Variants in CCDC171 observed in about 807,000 individuals in gnomAD.
CCDC171 encodes coiled-coil domain-containing protein 171.
A neutral mutation model predicts 168.2 loss-of-function variants in CCDC171; 177 were observed. The ratio of observed to expected loss-of-function variants is 1.05; its 90% CI spans 0.93 to 1.19. CCDC171 has a LOEUF of 1.19. Ranked by LOEUF, CCDC171 falls within the 50% of genes most tolerant of loss-of-function variation. CCDC171 has a pLI of 0.00. For missense variants in CCDC171, 1,991 were observed against 1,539.0 expected (o/e 1.29, Z -4.91); for synonymous variants, 687 against 540.8 (o/e 1.27, Z -3.75).
At chr9:15,886,494 C>T (rs182344839) in intron 24 of CCDC171, 5 of 152,000 alleles carry the variant, frequency 3.3e-5, no homozygotes, top group African/African-American at 7.2e-5. Context: ...TAGAGAAAAG[C>T]GAACCTTTGT....
chr9:16,045,063 G>A (rs1378175606), intron 1 of CCDC171, among the ~76,000 whole-genome samples: 1 of 152,138 alleles, frequency 6.6e-6, no homozygotes, highest in Non-Finnish European at 1.5e-5. Context: ...TATGTAAAAA[G>A]CATATTTTTT....
chr9:15,953,155 ATCTGAGTGCCTTTTCTTTT>A (rs1014182433), intron 25 of CCDC171, among the ~76,000 whole-genome samples: 41 of 152,262 alleles, frequency 2.7e-4, no homozygotes, highest in African/African-American at 9.6e-4. Flanking sequence ...TTCTTTTCCA[ATCTGAGTGCCTTTTCTTTT>A]TCTTGCCTAA....
chr9:16,006,759 A>G (rs1393969378), intron 3 of CCDC171, among the ~76,000 whole-genome samples: 2 of 151,788 alleles, frequency 1.3e-5, no homozygotes, highest in Admixed American at 6.6e-5. Flanking sequence ...AAGGACAAGA[A>G]CTCATCATTT....
At chr9:15,799,586 C>T (rs887321643) in intron 21 of CCDC171, among the ~76,000 whole-genome samples, 1 of 151,802 alleles carries the variant, frequency 6.6e-6, no homozygotes, top group Admixed American at 6.6e-5. Flanking sequence ...ATGGGGTATC[C>T]CCTGCAACCG....
intron 3 of CCDC171, among the ~76,000 whole-genome samples, chr9:15,995,964 C>G (rs1343979087): frequency 6.6e-6 from 1 of 152,170 alleles, no homozygotes; most frequent in South Asian, 2.1e-4. Flanking sequence ...TTCTGTTTAT[C>G]ACTTTCAGCA....
intron 1 of CCDC171, among the ~76,000 whole-genome samples, chr9:16,048,508 A>G (rs1833696954): frequency 6.6e-6 from 1 of 152,128 alleles, no homozygotes; most frequent in African/African-American, 2.4e-5. Flanking sequence ...AACCCCCCTC[A>G]GTTTCTTTCA....
chr9:15,721,797 C>T lies in CCDC171; in HGVS notation c.1347C>T (p.Pro449=). Residue 449 remains proline, a synonymous_variant, in exon 12 of 26, where the codon CCC becomes CCT. Coordinates refer to ENST00000380701, the MANE Select transcript of CCDC171 (RefSeq NM_173550.4). ...SGIHKDKDKP[P]SFSVVLERLR... is the part of the protein sequence containing the mutation. ...TCCACAAGGACAAAGATAAACCTCC[C>T]AGCTTCTCTGTTGTCCTTGAGAGAT... is the stretch of plus-strand genomic sequence containing the variant. The T allele has an allele frequency of 6.4e-7, 1 of 1,560,768 alleles. No homozygotes were observed. The highest frequency in any genetic ancestry group is 1.2e-5 in the South Asian group (1 of 82,530).
At chr9:15,675,707 C>CTCT (rs1431499575) in intron 9 of CCDC171, among the ~76,000 whole-genome samples, 3 of 152,158 alleles carry the variant, frequency 2.0e-5, no homozygotes, top group African/African-American at 7.2e-5. Flanking sequence ...GGCCCTCACT[C>CTCT]TCTTCTGGCT....
intron 7 of CCDC171, among the ~76,000 whole-genome samples, chr9:15,637,372 A>C (rs975691462): frequency 1.3e-5 from 2 of 151,956 alleles, no homozygotes; most frequent in African/African-American, 4.8e-5. Flanking sequence ...TAAAATACTT[A>C]ATTTCCTCAA....
chr9:16,042,554 T>G (rs963238093), upstream of CCDC171, among the ~76,000 whole-genome samples: 4 of 152,116 alleles, frequency 2.6e-5, no homozygotes, highest in Non-Finnish European at 4.4e-5. Flanking sequence ...GAGGACAAAG[T>G]GTTAAGAGGA....
intron 6 of CCDC171, among the ~76,000 whole-genome samples, chr9:15,599,874 T>C (rs1480924662): frequency 6.6e-6 from 1 of 152,152 alleles, no homozygotes; most frequent in Non-Finnish European, 1.5e-5. Context: ...TCTAAACTTC[T>C]CTTCTCACTT....
intron 24 of CCDC171, among the ~76,000 whole-genome samples, chr9:15,909,535 T>G (rs1823300028): frequency 6.6e-6 from 1 of 152,156 alleles, no homozygotes. Flanking sequence ...GAAACAAGTA[T>G]TTGTGGGCAG....
chr9:15,908,661 G>A (rs899317966), intron 24 of CCDC171, among the ~76,000 whole-genome samples: 9 of 152,170 alleles, frequency 5.9e-5, no homozygotes, highest in Admixed American at 1.3e-4. Flanking sequence ...TAAAAAAAAA[G>A]AGAAATATCT....
intron 18 of CCDC171, among the ~76,000 whole-genome samples, chr9:15,757,294 G>C (rs2056181164): frequency 6.6e-6 from 1 of 152,166 alleles, no homozygotes; most frequent in South Asian, 2.1e-4. Flanking sequence ...CTCAGATGGA[G>C]ATGAGGAACT....
intron 25 of CCDC171, among the ~76,000 whole-genome samples, chr9:15,946,318 A>G (rs1054291858): frequency 6.6e-6 from 1 of 152,058 alleles, no homozygotes; most frequent in African/African-American, 2.4e-5. Flanking sequence ...CAACTTCAGC[A>G]AAGTCTCAGG....
the CCDC171 span, among the ~76,000 whole-genome samples, chr9:16,067,844 C>G: frequency 1.3e-5 from 2 of 152,102 alleles, no homozygotes; most frequent in African/African-American, 2.4e-5. Flanking sequence ...GTACCAGTGC[C>G]GTGCTGTTTT....
intron 16 of CCDC171, among the ~76,000 whole-genome samples, chr9:15,733,294 T>A (rs1244402946): frequency 6.6e-6 from 1 of 152,160 alleles, no homozygotes; most frequent in African/African-American, 2.4e-5. Context: ...GTTTCAAATT[T>A]TTATGACCCA....
Position 15,745,630 on chromosome 9 carries a change from A to C in CCDC171, c.2670A>C (p.Ala890=). The C allele has an allele frequency of 6.4e-7, 1 of 1,552,980 alleles. No individual in the cohort carries two copies. Among genetic ancestry groups the C allele is most frequent in the Non-Finnish European group, 8.7e-7 (1 of 1,152,554 alleles). ...AATTACAAGACGTCATTGGTAAAGC[A>C]GGTATGGTTCCTTCTTTTATGTCCT... The part of the protein sequence containing the change: ...MAELQDVIGK[A]DPNSRICGHL... Residue 890 remains alanine (A), a splice_region_variant and synonymous_variant, in exon 18 of 26, where the codon GCA becomes GCC. Transcript: ENST00000380701.
chr9:16,078,068 AC>A, the CCDC171 span, among the ~76,000 whole-genome samples: 1 of 57,082 alleles, frequency 1.8e-5, no homozygotes, highest in South Asian at 5.2e-4. Context: ...ACACACACAC[AC>A]ACACACACAC....
Sources: gnomAD v4.1 joint callset for allele counts (sites outside exome capture counted in the v4.1 genomes callset) on GRCh38, gnomAD v4.1.1 for gene constraint, MANE v1.5 for transcripts, NCBI Gene and HGNC (gene_info 2026-07-23, HGNC 2026-07-21) for gene names.